TRIM2: variants seen among roughly 807,000 people sequenced by gnomAD.
The protein encoded by TRIM2 is tripartite motif-containing protein 2.
A neutral mutation model predicts 75.2 loss-of-function variants in TRIM2; 20 were observed. The ratio of observed to expected loss-of-function variants is 0.27; its 90% CI spans 0.19 to 0.39. TRIM2 has a LOEUF of 0.39. Among genes scored for constraint, TRIM2 ranks in the 10% least tolerant of loss-of-function variants. The pLI is 1.00. For synonymous variants in TRIM2, 373 were observed against 388.3 expected (o/e 0.96, Z 0.46); for missense variants, 660 against 990.8 (o/e 0.67, Z 4.48).
intron 1 of TRIM2, among the ~76,000 whole-genome samples, chr4:153,230,562 A>G (rs938135374): frequency 6.6e-6 from 1 of 152,174 alleles, no homozygotes; most frequent in Non-Finnish European, 1.5e-5. Flanking sequence ...CAGGCATAAC[A>G]TATTACCTTG....
In TRIM2 at chr4:153,324,260, G is replaced by C. The variant is rs1317553151; in HGVS notation, c.2022+112G>C. On this transcript the variant is annotated intron_variant, in intron 10 of 11. Coordinates refer to ENST00000338700, the MANE Select transcript of TRIM2 (RefSeq NM_015271.5). ...TGGCACCAAAGGGAGTTAACCAGCA[G>C]AGTAGACTTTGTTCTGCTCAAAGAT... 4.6e-6 allele frequency: 4 copies of C among 862,894 alleles called. No individual in the cohort carries two copies. The African/African-American group carries it at 6.9e-5, about 15-fold the overall frequency. The allele number at this position is 862,894 out of a possible 1,614,324, so 53.5% of individuals were successfully genotyped here. A position where few individuals can be genotyped will look rare whatever the true frequency, so the allele number is the denominator to read the frequency against.
At position 153,235,288 on chromosome 4, in the gene TRIM2, AT is replaced by A. The variant is rs111641294; in HGVS notation, c.30+30742del. Among the ~76,000 whole-genome samples the A allele has an allele frequency of 9.9e-3, 1,427 of 144,820 alleles. 20 individuals are homozygous for A. The highest frequency in any genetic ancestry group is 0.029 in the African/African-American group (1,151 of 39,886). On this transcript the variant is annotated intron_variant, in intron 1 of 11. Coordinates refer to ENST00000338700, the MANE Select transcript of TRIM2 (RefSeq NM_015271.5). ...GTGCCTGCTTCATAGAGTTAAGATA[AT>A]TTTTTTTTTTTTTGAGACAAGGTCT...
chr4:153,177,707 CTCCTTCCTTCCTTCCTTCCT>C (rs60499669), intron 1 of TRIM2, among the ~76,000 whole-genome samples: 13 of 133,886 alleles, frequency 9.7e-5, no homozygotes, highest in African/African-American at 2.8e-4. Context: ...TGGTGGCTCG[CTCCTTCCTTCCTTCCTTCCT>C]TCCTTCCTTC....
chr4:153,244,085 G>A (rs982749014), intron 1 of TRIM2, among the ~76,000 whole-genome samples: 3 of 151,756 alleles, frequency 2.0e-5, no homozygotes, highest in Non-Finnish European at 2.9e-5. Flanking sequence ...CTCCCAAAGT[G>A]CTGGGATTAC....
At chr4:153,264,253 T>G (rs946872302) in intron 1 of TRIM2, among the ~76,000 whole-genome samples, 5 of 152,228 alleles carry the variant, frequency 3.3e-5, no homozygotes, top group East Asian at 3.8e-4. Context: ...AATATCAAAC[T>G]AATGTTGACC....
rs3048122 is a variant in TRIM2, at chr4:153,280,384, C to CT, written c.453+4270dup. ...TTAATTAAAATACCCCAGCAAATTC[C>CT]TTTTTTTTTTTTTTTTGCTGGGTCT... On this transcript the variant is annotated intron_variant, in intron 3 of 11. Transcript: ENST00000338700. Among the ~76,000 whole-genome samples the CT allele has an allele frequency of 1.2e-3, 138 of 116,966 alleles. 1 individual carries two copies. Among genetic ancestry groups the CT allele is most frequent in the East Asian group, 6.1e-3 (27 of 4,412 alleles). 76.7% of individuals were successfully genotyped at this position (116,966 alleles called of 152,430 possible).
At chr4:153,184,484 G>A (rs1360144345) in intron 1 of TRIM2, among the ~76,000 whole-genome samples, 1 of 152,094 alleles carries the variant, frequency 6.6e-6, no homozygotes, top group East Asian at 1.9e-4. Context: ...CCACATTGGG[G>A]GCTAGGGTTT....
intron 1 of TRIM2, among the ~76,000 whole-genome samples, chr4:153,180,110 C>G (rs1034535422): frequency 1.3e-5 from 2 of 152,288 alleles, no homozygotes; most frequent in South Asian, 2.1e-4. Context: ...TTTGCTTTCT[C>G]TTGGGAGAGT....
chr4:153,172,965 G>A (rs2149616500), intron 1 of TRIM2, among the ~76,000 whole-genome samples: 1 of 152,302 alleles, frequency 6.6e-6, no homozygotes, highest in South Asian at 2.1e-4. Context: ...GGGTTGGGAA[G>A]AGAATGGATT....
chr4:153,325,767 C>G (rs1480469089), intron 10 of TRIM2, among the ~76,000 whole-genome samples: 2 of 152,206 alleles, frequency 1.3e-5, no homozygotes, highest in Non-Finnish European at 2.9e-5. Context: ...AATCAAGTGG[C>G]TCTTTTCTAC....
intron 11 of TRIM2, among the ~76,000 whole-genome samples, chr4:153,334,140 T>G (rs960488774): frequency 6.6e-6 from 1 of 151,930 alleles, no homozygotes. Context: ...ACATGAACAA[T>G]AAGCTTCATT....
chr4:153,316,837 C>T (rs1385006020), intron 8 of TRIM2, among the ~76,000 whole-genome samples: 2 of 141,328 alleles, frequency 1.4e-5, no homozygotes, highest in South Asian at 4.5e-4. Flanking sequence ...TGAGACACGT[C>T]GTCAAAGATC....
chr4:153,186,557 G>T (rs906196230), intron 1 of TRIM2, among the ~76,000 whole-genome samples: 1 of 152,176 alleles, frequency 6.6e-6, no homozygotes, highest in Non-Finnish European at 1.5e-5. Flanking sequence ...AGGAATTTTT[G>T]TTGGCGCTCA....
Position 153,292,575 on chromosome 4 carries a change from G to A in TRIM2, c.454-407G>A, listed in dbSNP as rs925209502. Among the ~76,000 whole-genome samples, 10 of 152,174 alleles carry A rather than the reference G, an allele frequency of 6.6e-5. No individual in the cohort carries two copies. The South Asian group carries it at 8.3e-4, about 13-fold the overall frequency. On this transcript the variant is annotated intron_variant, in intron 3 of 11. Transcript: ENST00000338700. Reference sequence around the variant, plus strand: ...CAAAGTGCTGGGATTATAGGCATACGCCACTGCACCCAGCCTAGTTTCAAT... The same window carrying A: ...CAAAGTGCTGGGATTATAGGCATACACCACTGCACCCAGCCTAGTTTCAAT...
intron 6 of TRIM2, among the ~76,000 whole-genome samples, chr4:153,301,145 C>T (rs998178615): frequency 3.3e-5 from 5 of 151,334 alleles, no homozygotes; most frequent in Admixed American, 2.0e-4. Context: ...GAGCCAAGAT[C>T]GCGCCACTAC....
intron 1 of TRIM2, among the ~76,000 whole-genome samples, chr4:153,228,259 C>T (rs1486938757): frequency 6.6e-6 from 1 of 152,192 alleles, no homozygotes; most frequent in African/African-American, 2.4e-5. Context: ...CCATTTCCTT[C>T]ACCACCCAAA....
chr4:153,284,761 A>C (rs1224414952), intron 3 of TRIM2, among the ~76,000 whole-genome samples: 1 of 152,154 alleles, frequency 6.6e-6, no homozygotes, highest in African/African-American at 2.4e-5. Context: ...AGTCTATTCA[A>C]GTTCTTTGCC....
In TRIM2 at chr4:153,338,541, T is replaced by C. The variant is rs1420217442; in HGVS notation, c.*3575T>C. ...AGGGTTTTAAACTTTATAATTACTTTAATATTTTTGATAACTAGAAATCTA... is the reference window on the plus strand; with the variant it reads ...AGGGTTTTAAACTTTATAATTACTTCAATATTTTTGATAACTAGAAATCTA... On this transcript the variant is annotated 3_prime_UTR_variant, in exon 12 of 12. Coordinates refer to ENST00000338700, the MANE Select transcript of TRIM2 (RefSeq NM_015271.5). The C allele has an allele frequency of 1.0e-6, 1 of 983,740 alleles. No homozygotes were observed. The allele number at this position is 983,740 out of a possible 1,614,324, so 60.9% of individuals were successfully genotyped here.
intron 2 of TRIM2, among the ~76,000 whole-genome samples, chr4:153,274,907 C>A (rs953837574): frequency 6.6e-6 from 1 of 152,176 alleles, no homozygotes; most frequent in South Asian, 2.1e-4. Flanking sequence ...GGGCTAGCTA[C>A]CTCTGTGACA....
Sources: gnomAD v4.1 joint callset for allele counts (sites outside exome capture counted in the v4.1 genomes callset) on GRCh38, gnomAD v4.1.1 for gene constraint, MANE v1.5 for transcripts, NCBI Gene and HGNC (gene_info 2026-07-23, HGNC 2026-07-21) for gene names.